The following SHLD1 variants were observed in gnomAD, a reference collection of about 807,000 sequenced individuals.
The protein encoded by SHLD1 is RINN1-REV7-interacting novel NHEJ regulator 3.
Under a neutral mutation model 5.5 loss-of-function variants are expected in SHLD1, and 3 were observed. The observed-to-expected ratio is 0.54, with a 90% CI of 0.25 to 1.40. The LOEUF is 1.40. Among genes scored for constraint, SHLD1 ranks in the 40% most tolerant of loss-of-function variants. The pLI, the probability that SHLD1 is intolerant of heterozygous loss-of-function variation, is 0.15. For missense variants in SHLD1, 210 were observed against 244.4 expected, an observed-to-expected ratio of 0.86 and a Z score of 0.94; for synonymous variants, 92 against 94.3, an observed-to-expected ratio of 0.98 and a Z score of 0.14.
chr20:5,769,446 G>C (rs1445857091), intron 1 of SHLD1, among the ~76,000 whole-genome samples: 1 of 152,194 alleles, frequency 6.6e-6, no homozygotes, highest in African/African-American at 2.4e-5. Flanking sequence ...TTACCCTTGA[G>C]GTGGACTACG....
chr20:5,845,885 C>A (rs986978929), intron 2 of SHLD1, among the ~76,000 whole-genome samples: 6 of 152,240 alleles, frequency 3.9e-5, no homozygotes, highest in African/African-American at 1.2e-4. Context: ...AATAAGAGCT[C>A]GGCCCTTGGG....
chr20:5,796,791 T>C (rs1011137008), intron 2 of SHLD1, among the ~76,000 whole-genome samples: 1 of 146,498 alleles, frequency 6.8e-6, no homozygotes, highest in Non-Finnish European at 1.5e-5. Flanking sequence ...ATTGCACCAC[T>C]GCACTCCAGC....
At chr20:5,829,012 T>C in intron 2 of SHLD1, among the ~76,000 whole-genome samples, 1 of 152,188 alleles carries the variant, frequency 6.6e-6, no homozygotes, top group East Asian at 1.9e-4. Context: ...TAGCCGAGAC[T>C]ACAGGCATGC....
chr20:5,834,561 A>T lies in SHLD1; in HGVS notation c.179-28463A>T, dbSNP rs1224152110. Among the ~76,000 whole-genome samples, 9 of 152,122 alleles carry T rather than the reference A, an allele frequency of 5.9e-5. No homozygotes were observed. The East Asian group carries it at 1.5e-3, about 26-fold the overall frequency. ...TTTGAGAAGAGTAATGGTAATGAAA[A>T]CAGTAGTTAGTATTAATCAAGCTTA... On this transcript the variant is annotated intron_variant, in intron 2 of 2. Coordinates refer to ENST00000303142, the MANE Select transcript of SHLD1 (RefSeq NM_152504.4).
intron 2 of SHLD1, among the ~76,000 whole-genome samples, chr20:5,819,789 T>C (rs2087584148): frequency 6.6e-6 from 1 of 152,222 alleles, no homozygotes; most frequent in African/African-American, 2.4e-5. Context: ...GCAACTGCAC[T>C]CCAGCCTGAA....
At chr20:5,778,114 CTTTTTTTTTT>C (rs776358532) in intron 2 of SHLD1, among the ~76,000 whole-genome samples, 3 of 111,932 alleles carry the variant, frequency 2.7e-5, no homozygotes, top group South Asian at 6.1e-4. Context: ...ATCCCTTTTT[CTTTTTTTTTT>C]TTTTTTTTTT....
intron 2 of SHLD1, among the ~76,000 whole-genome samples, chr20:5,810,282 C>T (rs2087440749): frequency 6.6e-6 from 1 of 151,540 alleles, no homozygotes; most frequent in Non-Finnish European, 1.5e-5. Flanking sequence ...TTGTATTGTT[C>T]AATAATGGAC....
At chr20:5,766,707 G>C (rs1408835816) in intron 1 of SHLD1, among the ~76,000 whole-genome samples, 1 of 151,994 alleles carries the variant, frequency 6.6e-6, no homozygotes. Flanking sequence ...CAATAAATGG[G>C]AACTACTCTT....
chr20:5,779,173 G>T (rs1188079345), intron 2 of SHLD1, among the ~76,000 whole-genome samples: 1 of 150,952 alleles, frequency 6.6e-6, no homozygotes, highest in East Asian at 1.9e-4. Flanking sequence ...CTGCACTCTA[G>T]TCTGGGCAAC....
At chr20:5,831,086 T>G (rs1456190875) in intron 2 of SHLD1, among the ~76,000 whole-genome samples, 2 of 152,172 alleles carry the variant, frequency 1.3e-5, no homozygotes, top group Non-Finnish European at 2.9e-5. Context: ...GTGCTTCACC[T>G]CTAGGTGGGT....
At chr20:5,793,441 C>T (rs529362598) in intron 2 of SHLD1, among the ~76,000 whole-genome samples, 36 of 152,208 alleles carry the variant, frequency 2.4e-4, no homozygotes, top group African/African-American at 8.2e-4. Context: ...CAGTGGCTCA[C>T]GTTGTGGGTT....
At chr20:5,840,149 A>C (rs1027707) in intron 2 of SHLD1, among the ~76,000 whole-genome samples, 3,239 of 152,284 alleles carry the variant, frequency 0.021, 124 homozygotes, top group African/African-American at 0.075. Context: ...ATTTTCTTGC[A>C]TGCTTTATTA....
chr20:5,804,386 T>C (rs1425818456), intron 2 of SHLD1, among the ~76,000 whole-genome samples: 2 of 143,514 alleles, frequency 1.4e-5, no homozygotes, highest in Non-Finnish European at 3.0e-5. Flanking sequence ...AAGACATTAG[T>C]ATAGTGTAAA....
intron 1 of SHLD1, chr20:5,772,249 C>T (rs1193521689): frequency 6.8e-5 from 30 of 438,426 alleles, no homozygotes; most frequent in Non-Finnish European, 1.2e-4. Context: ...GGCATCACTA[C>T]TCTTGTGTTT....
At position 5,853,898 on chromosome 20, in the gene SHLD1, G is replaced by A. The variant is rs532280163; in HGVS notation, c.179-9126G>A. On this transcript the variant is annotated intron_variant, in intron 2 of 2. Transcript: ENST00000303142. ...CTCTGTCGCCTAGGCTGGAGTGCAT[G>A]ATGTGACCACTGCTCACTGCAGCCT... 1.0e-4 allele frequency among the ~76,000 whole-genome samples: 15 copies of A among 150,672 alleles called. No individual in the cohort carries two copies. The East Asian group carries it at 2.5e-3, about 25-fold the overall frequency.
At chr20:5,792,529 C>T (rs938647427) in intron 2 of SHLD1, among the ~76,000 whole-genome samples, 2 of 151,972 alleles carry the variant, frequency 1.3e-5, no homozygotes, top group African/African-American at 4.8e-5. Flanking sequence ...AAGCGATTCT[C>T]ATGCCTCAGT....
intron 2 of SHLD1, among the ~76,000 whole-genome samples, chr20:5,775,062 C>G (rs1490826095): frequency 6.6e-6 from 1 of 152,102 alleles, no homozygotes; most frequent in Non-Finnish European, 1.5e-5. Context: ...TATTTAGAGA[C>G]AGGGTTTTGC....
intron 1 of SHLD1, among the ~76,000 whole-genome samples, chr20:5,764,622 C>G (rs1290246864): frequency 6.6e-6 from 1 of 151,934 alleles, no homozygotes; most frequent in Non-Finnish European, 1.5e-5. Flanking sequence ...TCACTTGAGC[C>G]CAGGAGGTTG....
chr20:5,772,013 T>A (rs1271175967), intron 1 of SHLD1: 2 of 426,398 alleles, frequency 4.7e-6, no homozygotes. Flanking sequence ...TAGCTGGGAT[T>A]ACAGGCACCC....
Sources: allele counts gnomAD v4.1 joint callset (sites outside exome capture counted in the v4.1 genomes callset), GRCh38; gene constraint gnomAD v4.1.1; transcripts MANE v1.5; gene names NCBI Gene and HGNC (gene_info 2026-07-23, HGNC 2026-07-21).